KCNQ1: variants seen among roughly 807,000 people sequenced by gnomAD.
KCNQ1 encodes the protein potassium voltage-gated channel subfamily Q member 1, also known as potassium voltage-gated channel subfamily KQT member 1.
Under a neutral mutation model 72.4 loss-of-function variants are expected in KCNQ1, and 49 were observed. The ratio of observed to expected loss-of-function variants is 0.68; its 90% CI spans 0.54 to 0.86. The LOEUF (loss-of-function observed/expected upper bound fraction) is 0.86. Ranked by LOEUF, KCNQ1 falls within the 40% of genes least tolerant of loss-of-function variation. KCNQ1 has a pLI of 0.00. For missense variants in KCNQ1, 790 were observed against 945.1 expected (o/e 0.84, Z 2.15); for synonymous variants, 450 against 412.6 (o/e 1.09, Z -1.10).
chr11:2,782,011 A>G lies in KCNQ1; in HGVS notation c.1794+3974A>G, dbSNP rs955883510. 5.3e-5 allele frequency among the ~76,000 whole-genome samples: 8 copies of G among 152,116 alleles called. No individual in the cohort carries two copies. The highest frequency in any genetic ancestry group is 8.8e-5 in the Non-Finnish European group (6 of 68,020). On this transcript the variant is annotated intron_variant, in intron 15 of 15. Coordinates refer to ENST00000155840, the MANE Select transcript of KCNQ1 (RefSeq NM_000218.3). This position sits in a 1 kb window ranked among gnomAD's most constrained non-coding sequence, Gnocchi z 6.1. ...TTCGTGCATGACCCCAACCTCCAGGATGCAGGCAGGCCCAGCCTCCCAGAA... is the reference window on the plus strand; with the variant it reads ...TTCGTGCATGACCCCAACCTCCAGGGTGCAGGCAGGCCCAGCCTCCCAGAA...
intron 11 of KCNQ1, among the ~76,000 whole-genome samples, chr11:2,728,944 G>C (rs1316002438): frequency 6.6e-6 from 1 of 152,258 alleles, no homozygotes; most frequent in East Asian, 1.9e-4. Context: ...AGATAGCGGG[G>C]TGATTAATGC....
At chr11:2,739,511 G>A (rs1079714) in intron 11 of KCNQ1, among the ~76,000 whole-genome samples, 18,333 of 152,278 alleles carry the variant, frequency 0.12, 1,287 homozygotes, top group East Asian at 0.3. Context: ...AGGACATTTC[G>A]TAGAACAACA....
At chr11:2,786,050 A>G (rs1846905404) in intron 15 of KCNQ1, among the ~76,000 whole-genome samples, 1 of 151,930 alleles carries the variant, frequency 6.6e-6, no homozygotes, top group African/African-American at 2.4e-5. Flanking sequence ...CCTCTTTGTC[A>G]TTTGTTATTT....
chr11:2,586,024 T>C (rs1848587044), intron 8 of KCNQ1, among the ~76,000 whole-genome samples: 1 of 152,194 alleles, frequency 6.6e-6, no homozygotes, highest in African/African-American at 2.4e-5. Flanking sequence ...TGTGGGTCTC[T>C]CTTGTTGGCC....
At chr11:2,502,136 A>G (rs1847025772) in intron 1 of KCNQ1, among the ~76,000 whole-genome samples, 2 of 152,220 alleles carry the variant, frequency 1.3e-5, no homozygotes, top group Admixed American at 1.3e-4. Flanking sequence ...GACCTGGAAC[A>G]TGACAAAGAT....
intron 1 of KCNQ1, among the ~76,000 whole-genome samples, chr11:2,519,019 A>G (rs1847333258): frequency 6.6e-6 from 1 of 152,098 alleles, no homozygotes; most frequent in East Asian, 1.9e-4. Context: ...CTGCCAGGGG[A>G]GGGGCTTCCA....
chr11:2,642,245 C>T lies in KCNQ1; in HGVS notation c.1394-19716C>T, dbSNP rs1849591647. On this transcript the variant is annotated intron_variant, in intron 10 of 15. Transcript: ENST00000155840. This position sits in a 1 kb window ranked among gnomAD's most constrained non-coding sequence, Gnocchi z 4.3. ...TTTAATTTTGTTAATTCTCCCAATC[C>T]ATGAGAATGGGATGTTTTTTGTGTG... The T allele has an allele frequency of 7.5e-6, 3 of 398,236 alleles. No individual in the cohort carries two copies. The highest frequency in any genetic ancestry group is 1.3e-5 in the Non-Finnish European group (3 of 225,952). 24.7% of individuals were successfully genotyped at this position (398,236 alleles called of 1,614,324 possible).
rs938860885 is a variant in KCNQ1, at chr11:2,712,253, A to G, written c.1514+50172A>G. ...TTCTGGGTGCCCGGCCCTCTACTAG[A>G]TGTGGGAGTTACCGTGTGGGATGGA... is the stretch of plus-strand genomic sequence containing the variant. On this transcript the variant is annotated intron_variant, in intron 11 of 15. Coordinates refer to ENST00000155840, the MANE Select transcript of KCNQ1 (RefSeq NM_000218.3). The surrounding 1 kb of genome is among the most constrained non-coding windows in gnomAD (Gnocchi z 6.4). Among the ~76,000 whole-genome samples, 2 of 151,826 alleles carry G rather than the reference A, an allele frequency of 1.3e-5. No homozygotes were observed.
chr11:2,841,408 T>C (rs1848208176), intron 15 of KCNQ1, among the ~76,000 whole-genome samples: 1 of 152,042 alleles, frequency 6.6e-6, no homozygotes, highest in Non-Finnish European at 1.5e-5. Context: ...GTTGGGGGCA[T>C]AGCCAGGCAG....
intron 11 of KCNQ1, among the ~76,000 whole-genome samples, chr11:2,754,017 T>C (rs1418784133): frequency 6.6e-6 from 1 of 152,150 alleles, no homozygotes; most frequent in Non-Finnish European, 1.5e-5. Flanking sequence ...AGCAGACATT[T>C]CTCCAAAGAG....
chr11:2,734,499 G>C lies in KCNQ1; in HGVS notation c.1515-34345G>C, dbSNP rs576660591. Among the ~76,000 whole-genome samples, 3 of 152,336 alleles carry C rather than the reference G, an allele frequency of 2.0e-5. No individual in the cohort carries two copies. Among genetic ancestry groups the C allele is most frequent in the South Asian group, 4.1e-4 (2 of 4,826 alleles). On this transcript the variant is annotated intron_variant, in intron 11 of 15. Coordinates refer to ENST00000155840, the MANE Select transcript of KCNQ1 (RefSeq NM_000218.3). The surrounding 1 kb of genome is among the most constrained non-coding windows in gnomAD (Gnocchi z 7.0). ...TCCTTGGTGATGGGCAGAATGTGGG[G>C]AGCAGGGTAGGACGGGCCCCTTGGC...
intron 1 of KCNQ1, among the ~76,000 whole-genome samples, chr11:2,452,887 T>TGGCC (rs1288680094): frequency 1.3e-5 from 2 of 152,030 alleles, no homozygotes; most frequent in Non-Finnish European, 2.9e-5. Flanking sequence ...GGTGGGTGGG[T>TGGCC]GGCCATGTGG....
At position 2,617,940 on chromosome 11, in the gene KCNQ1, T is replaced by G; in HGVS notation, c.1393+29086T>G. ...TTATAAATTTTGGATATTATCCTCT[T>G]ATAAGATATATGGTTGGCAAATATT... On this transcript the variant is annotated intron_variant, in intron 10 of 15. Transcript: ENST00000155840. The surrounding 1 kb of genome is among the most constrained non-coding windows in gnomAD (Gnocchi z 4.6). 2.5e-6 allele frequency: 1 copy of G among 398,606 alleles called. No individual in the cohort carries two copies. The highest frequency in any genetic ancestry group is 2.1e-5 in the African/African-American group (1 of 48,752). The allele number at this position is 398,606 out of a possible 1,614,324, so 24.7% of individuals were successfully genotyped here.
intron 1 of KCNQ1, among the ~76,000 whole-genome samples, chr11:2,472,137 GGTGT>G (rs528285101): frequency 1.3e-5 from 2 of 149,226 alleles, no homozygotes; most frequent in African/African-American, 5.0e-5. Context: ...CATGCGTATA[GGTGT>G]GTGTGTTTTA....
intron 1 of KCNQ1, among the ~76,000 whole-genome samples, chr11:2,490,339 C>G (rs1027606396): frequency 6.6e-5 from 10 of 152,354 alleles, no homozygotes; most frequent in East Asian, 3.9e-4. Context: ...CCACCTTGGA[C>G]TTGGGGGAAC....
rs1033162769 is a variant in KCNQ1, at chr11:2,583,614, C to T, written c.1032+69C>T. 4 of 1,067,004 alleles carry T rather than the reference C, an allele frequency of 3.7e-6. No homozygotes were observed. The African/African-American group carries it at 4.6e-5, about 12-fold the overall frequency. 66.1% of individuals were successfully genotyped at this position (1,067,004 alleles called of 1,614,324 possible). A position where few individuals can be genotyped will look rare whatever the true frequency, so the allele number is the denominator to read the frequency against. Reference sequence around the variant, plus strand: ...TGGGGTCCTGGGGTGGCTGCACGCCCCTCCCTGTGAGCAGACCCACTTACG... The same window carrying T: ...TGGGGTCCTGGGGTGGCTGCACGCCTCTCCCTGTGAGCAGACCCACTTACG... On this transcript the variant is annotated intron_variant, in intron 7 of 15. Coordinates refer to ENST00000155840, the MANE Select transcript of KCNQ1 (RefSeq NM_000218.3).
chr11:2,777,058 G>A (rs754532377), intron 14 of KCNQ1, 26 bp downstream of exon 14: 1 of 1,613,100 alleles, frequency 6.2e-7, no homozygotes, highest in Admixed American at 1.7e-5. Flanking sequence ...AGTTACTCTG[G>A]GCCCAGCAGC....
rs1847965540 is a variant in KCNQ1 at position 2,550,367 on chromosome 11, C to T, written c.478-20261C>T. ...CCTCACACCCCCTGCTAGGGTCCCT[C>T]TGGGGGTTGAATGAAAAGGCATAGG... On this transcript the variant is annotated intron_variant, in intron 2 of 15. Transcript: ENST00000155840. The surrounding 1 kb of genome is among the most constrained non-coding windows in gnomAD (Gnocchi z 6.0). 6.6e-6 allele frequency among the ~76,000 whole-genome samples: 1 copy of T among 152,192 alleles called. No individual in the cohort carries two copies. The highest frequency in any genetic ancestry group is 1.5e-5 in the Non-Finnish European group (1 of 68,010).
In KCNQ1 at chr11:2,847,838, C is replaced by T. The variant is rs1296204521; in HGVS notation, c.1866C>T (p.Gly622=). ...MLHQLLSLHG[G]STPGSGGPPR... ...ACCAGCTGCTCTCCTTGCACGGTGG[C>T]AGCACCCCCGGCAGCGGCGGCCCCC... is the stretch of plus-strand genomic sequence containing the variant. The change falls in exon 16 of 16, where the codon GGC becomes GGT. Residue 622 remains glycine, a synonymous_variant. Transcript: ENST00000155840. 3 of 1,569,426 alleles carry T rather than the reference C, an allele frequency of 1.9e-6. No individual in the cohort carries two copies. The East Asian group carries it at 7.1e-5, about 37-fold the overall frequency.
Sources: allele counts gnomAD v4.1 joint callset (sites outside exome capture counted in the v4.1 genomes callset), GRCh38; gene constraint gnomAD v4.1.1; non-coding constraint Gnocchi (gnomAD v3.1); transcripts MANE v1.5; gene names NCBI Gene and HGNC (gene_info 2026-07-23, HGNC 2026-07-21).